PPP1R9A: variants seen among roughly 807,000 people sequenced by gnomAD.
PPP1R9A encodes the protein protein phosphatase 1 regulatory subunit 9A, also known as neurabin-1.
PPP1R9A carries 59 observed loss-of-function variants against 141.9 expected under a neutral mutation model. The ratio of observed to expected loss-of-function variants is 0.42; its 90% CI spans 0.34 to 0.52. The LOEUF (loss-of-function observed/expected upper bound fraction) is 0.52, where lower values mean the gene tolerates loss of function less well. PPP1R9A is among the 20% of genes least tolerant of loss of function. The probability of loss-of-function intolerance (pLI) is 0.10; values close to 1 mark genes in which losing one functional copy is unlikely to be tolerated. For missense variants in PPP1R9A, 1,444 were observed against 1,611.9 expected (o/e 0.90, Z 1.78); for synonymous variants, 500 against 569.7 (o/e 0.88, Z 1.74).
Position 94,911,406 on chromosome 7 carries a change from T to C in PPP1R9A, c.1293T>C (p.Ser431=), listed in dbSNP as rs1448854707. 1.2e-6 allele frequency: 2 copies of C among 1,613,958 alleles called. No homozygotes were observed. The highest frequency in any genetic ancestry group is 1.7e-5 in the Admixed American group (1 of 60,004). ...QDEEEDSDEN[S]YYQPDMEYSE... is the part of the protein sequence containing the mutation. ...AGGAGGAAGATAGTGATGAGAACAG[T>C]TACTATCAGCCTGATATGGAGTACT... Residue 431 remains serine (S), a synonymous_variant, in exon 2 of 20, where the codon AGT becomes AGC. Transcript: ENST00000433360.
chr7:95,038,271 G>A (rs1808734223), intron 2 of PPP1R9A, among the ~76,000 whole-genome samples: 1 of 152,138 alleles, frequency 6.6e-6, no homozygotes, highest in South Asian at 2.1e-4. Flanking sequence ...GAGAGTCTCA[G>A]CCAAGATCTA....
chr7:95,120,690 C>T, intron 3 of PPP1R9A, 22 bp from the exon 4 acceptor site: 2 of 1,606,158 alleles, frequency 1.2e-6, no homozygotes, highest in Non-Finnish European at 1.7e-6. Flanking sequence ...TTTCACCTCC[C>T]CCCTTTTTTT....
chr7:94,964,090 T>C (rs1199569452), intron 2 of PPP1R9A, among the ~76,000 whole-genome samples: 2 of 152,198 alleles, frequency 1.3e-5, no homozygotes, highest in Non-Finnish European at 2.9e-5. Flanking sequence ...AAGTCAGGTG[T>C]GGAATTTTCC....
rs530951415 is a variant in PPP1R9A at position 94,956,563 on chromosome 7, A to T, written c.1395+45055A>T. ...TAGGACTATACTGTAATATCATTGT[A>T]CTGTAGTCATAGATACTTGGAAAGC... On this transcript the variant is annotated intron_variant, in intron 2 of 19. Transcript: ENST00000433360. Among the ~76,000 whole-genome samples the T allele has an allele frequency of 2.0e-5, 3 of 152,208 alleles. No homozygotes were observed. The South Asian group carries it at 6.2e-4, about 32-fold the overall frequency.
At chr7:95,117,671 G>A (rs1393774316) in intron 3 of PPP1R9A, among the ~76,000 whole-genome samples, 3 of 152,106 alleles carry the variant, frequency 2.0e-5, no homozygotes, top group Non-Finnish European at 4.4e-5. Flanking sequence ...TTATTTAATG[G>A]TGTGACAGTA....
intron 2 of PPP1R9A, among the ~76,000 whole-genome samples, chr7:94,982,673 T>C (rs1800273476): frequency 6.6e-6 from 1 of 152,192 alleles, no homozygotes; most frequent in Non-Finnish European, 1.5e-5. Context: ...GATGGGGTTG[T>C]TTGATTTTTT....
At position 95,172,750 on chromosome 7, in the gene PPP1R9A, TAGA is replaced by T. The variant is rs560764367; in HGVS notation, c.1754+10783_1754+10785del. On this transcript the variant is annotated intron_variant, in intron 5 of 19. Coordinates refer to ENST00000433360, the MANE Select transcript of PPP1R9A (RefSeq NM_001166160.2). ...TTAAACATAACCCTAGTAAAAATTT[TAGA>T]AGATTATTTTGTAGATGTTATTGTT... Among the ~76,000 whole-genome samples the T allele has an allele frequency of 2.0e-5, 3 of 151,988 alleles. No individual in the cohort carries two copies. The South Asian group carries it at 6.2e-4, about 31-fold the overall frequency.
chr7:95,163,628 C>T (rs2152720421), intron 5 of PPP1R9A, among the ~76,000 whole-genome samples: 1 of 152,284 alleles, frequency 6.6e-6, no homozygotes, highest in East Asian at 1.9e-4. Flanking sequence ...CATGTCAGTG[C>T]TCAAAAAGTT....
chr7:95,075,662 C>T (rs559441009), intron 2 of PPP1R9A, among the ~76,000 whole-genome samples: 24 of 152,082 alleles, frequency 1.6e-4, no homozygotes, highest in African/African-American at 5.3e-4. Flanking sequence ...GGTGAAACCC[C>T]GTCTCTACTA....
chr7:95,150,082 A>G (rs1307632358), intron 4 of PPP1R9A, among the ~76,000 whole-genome samples: 1 of 151,752 alleles, frequency 6.6e-6, no homozygotes, highest in Non-Finnish European at 1.5e-5. Flanking sequence ...CTTGCAAAGG[A>G]GCAAAAGCAA....
At chr7:95,162,474 T>G (rs956981603) in intron 5 of PPP1R9A, among the ~76,000 whole-genome samples, 2 of 152,238 alleles carry the variant, frequency 1.3e-5, no homozygotes, top group Non-Finnish European at 2.9e-5. Flanking sequence ...GGGTGCATTT[T>G]TTTTGGACCT....
chr7:94,965,965 T>G (rs145874607), intron 2 of PPP1R9A, among the ~76,000 whole-genome samples: 47 of 152,346 alleles, frequency 3.1e-4, no homozygotes, highest in African/African-American at 9.6e-4. Flanking sequence ...TGGAATGTTT[T>G]TCCATTTGTT....
chr7:95,028,181 A>G (rs79945125), intron 2 of PPP1R9A, among the ~76,000 whole-genome samples: 2,106 of 152,262 alleles, frequency 0.014, 59 homozygotes, highest in African/African-American at 0.049. Flanking sequence ...TCAGAAGACA[A>G]TACTGTAGAG....
chr7:95,270,638 G>C (rs1463791377), intron 14 of PPP1R9A, among the ~76,000 whole-genome samples: 1 of 152,074 alleles, frequency 6.6e-6, no homozygotes, highest in East Asian at 1.9e-4. Flanking sequence ...CCTCGTTCCT[G>C]TTATATAAAC....
At chr7:95,084,296 G>A (rs983453655) in intron 2 of PPP1R9A, among the ~76,000 whole-genome samples, 1 of 151,980 alleles carries the variant, frequency 6.6e-6, no homozygotes, top group African/African-American at 2.4e-5. Flanking sequence ...AGAGAACTTA[G>A]AAGGACATGA....
At chr7:94,928,015 A>C (rs767117377) in intron 2 of PPP1R9A, among the ~76,000 whole-genome samples, 1 of 152,192 alleles carries the variant, frequency 6.6e-6, no homozygotes, top group African/African-American at 2.4e-5. Context: ...GCCAGTACAC[A>C]TGTCAACTTT....
intron 5 of PPP1R9A, among the ~76,000 whole-genome samples, chr7:95,183,669 G>C (rs1052323235): frequency 3.3e-5 from 5 of 151,328 alleles, no homozygotes; most frequent in African/African-American, 1.2e-4. Flanking sequence ...GGATGGTCTC[G>C]ATCTCTTGAC....
At chr7:95,135,207 C>T (rs781189389) in intron 4 of PPP1R9A, among the ~76,000 whole-genome samples, 5 of 152,040 alleles carry the variant, frequency 3.3e-5, no homozygotes, top group African/African-American at 4.8e-5. Flanking sequence ...TGTACATGTG[C>T]GTATTTGTGT....
chr7:95,108,891 T>G (rs1239474158), intron 2 of PPP1R9A: 2 of 152,226 alleles, frequency 1.3e-5, no homozygotes, highest in Non-Finnish European at 2.9e-5. Flanking sequence ...TTGAGTGATG[T>G]TCCAGAATGA....
Sources: allele counts gnomAD v4.1 joint callset (sites outside exome capture counted in the v4.1 genomes callset), GRCh38; gene constraint gnomAD v4.1.1; transcripts MANE v1.5; gene names NCBI Gene and HGNC (gene_info 2026-07-23, HGNC 2026-07-21).